The following LIG1 variants were observed in gnomAD, a reference collection of about 807,000 sequenced individuals.
The protein encoded by LIG1 is DNA ligase 1, also known as ligase I, DNA, ATP-dependent.
In LIG1, 70 loss-of-function variants were observed where a neutral mutation model predicts 115.7. The observed-to-expected ratio is 0.60, with a 90% confidence interval of 0.50 to 0.74. LIG1 has a LOEUF of 0.74. LIG1 is among the 30% of genes least tolerant of loss of function. The pLI, the probability that LIG1 is intolerant of heterozygous loss-of-function variation, is 0.00. For synonymous variants in LIG1, 487 were observed against 495.3 expected (o/e 0.98, Z 0.22); for missense variants, 1,115 against 1,225.6 (o/e 0.91, Z 1.35).
At chr19:48,118,422 C>T (rs2033020014) in intron 25 of LIG1, 1 of 159,852 alleles carries the variant, frequency 6.3e-6, no homozygotes, top group Admixed American at 6.0e-5. Context: ...GCTCTCTTGC[C>T]TGGCGCCATG....
At chr19:48,116,774 G>C (rs1279253018) in intron 26 of LIG1, among the ~76,000 whole-genome samples, 1 of 152,226 alleles carries the variant, frequency 6.6e-6, no homozygotes, top group Non-Finnish European at 1.5e-5. Context: ...ACCGGCTCCT[G>C]TGCCTTGTTA....
intron 2 of LIG1, among the ~76,000 whole-genome samples, chr19:48,164,741 T>A (rs1599887798): frequency 6.6e-6 from 1 of 152,090 alleles, no homozygotes; most frequent in Admixed American, 6.5e-5. Flanking sequence ...CTCCAGCAGG[T>A]TTCAATGATA....
chr19:48,167,419 G>A lies in LIG1; in HGVS notation c.-57-1796C>T, dbSNP rs146705342. Reference sequence around the variant, plus strand: ...TCTTCAACCCATGGGGTCCCCTTTCGTTTTCTGGAATCAGTACTCTCTGTC... The same window carrying A: ...TCTTCAACCCATGGGGTCCCCTTTCATTTTCTGGAATCAGTACTCTCTGTC... On this transcript the variant is annotated intron_variant, in intron 1 of 27. Transcript: ENST00000263274. 3.3e-3 allele frequency among the ~76,000 whole-genome samples: 504 copies of A among 151,918 alleles called. 4 individuals are homozygous for A. The highest frequency in any genetic ancestry group is 0.012 in the African/African-American group (486 of 41,422).
At chr19:48,125,700 T>G (rs1007508041) in intron 21 of LIG1, among the ~76,000 whole-genome samples, 1 of 152,210 alleles carries the variant, frequency 6.6e-6, no homozygotes, top group African/African-American at 2.4e-5. Context: ...GATGATCATC[T>G]GGGATGGGCC....
At position 48,137,551 on chromosome 19, in the gene LIG1, G is replaced by A. The variant is rs201504571; in HGVS notation, c.1225C>T (p.Arg409Cys). Residue 409 changes from arginine (R) to cysteine (C), a missense_variant, in exon 13 of 28, where the codon CGC (arginine) becomes TGC (cysteine). By Grantham distance (180) the Arg-to-Cys change is radical (BLOSUM62 -3). Coordinates refer to ENST00000263274, the MANE Select transcript of LIG1 (RefSeq NM_000234.3). The surrounding 1 kb of genome is among the most constrained non-coding windows in gnomAD (Gnocchi z 4.3). ...LTASGVFSKF[R>C]DIARLTGSAS... ...CTGCCAGTGAGCCTGGCGATGTCGC[G>A]GAACTTGCTGAAGACCCCGGAGGCA... 86 of 1,613,224 alleles carry A rather than the reference G, an allele frequency of 5.3e-5. No homozygotes were observed. Among genetic ancestry groups the A allele is most frequent in the Admixed American group, 1.8e-4 (11 of 60,010 alleles).
rs769960596 is a variant in LIG1 at position 48,153,951 on chromosome 19, C to A, written c.387G>T (p.Pro129=). 2.5e-6 allele frequency: 4 copies of A among 1,613,794 alleles called. No homozygotes were observed. Among genetic ancestry groups the A allele is most frequent in the Non-Finnish European group, 2.5e-6 (3 of 1,179,888 alleles). The change falls in exon 6 of 28, where the codon CCG becomes CCT. Residue 129 remains proline, a synonymous_variant. Coordinates refer to ENST00000263274, the MANE Select transcript of LIG1 (RefSeq NM_000234.3). ...CCAGGACTTCCTGAATGGTCCGTTT[C>A]GGGAGCTGCTTCCGAGCTGGGGAGG... ...PKRRTARKQL[P]KRTIQEVLEE... is the part of the protein sequence containing the mutation.
rs929018638 is a variant in LIG1 at position 48,165,541 on chromosome 19, G to A, written c.17+9C>T. The stretch of plus-strand genomic sequence containing the variant: ...AAGGAAAGACTCAGGGGCAAGGGAG[G>A]GTGCTCACATGATACTTCGCTGCAT... On this transcript the variant is annotated intron_variant, in intron 2 of 27. Transcript: ENST00000263274. 2.5e-6 allele frequency: 4 copies of A among 1,604,594 alleles called. No homozygotes were observed. The African/African-American group carries it at 5.4e-5, about 21-fold the overall frequency.
intron 1 of LIG1, among the ~76,000 whole-genome samples, chr19:48,166,107 A>G (rs1305406581): frequency 6.6e-6 from 1 of 152,186 alleles, no homozygotes; most frequent in African/African-American, 2.4e-5. Context: ...TAAAAGAGAA[A>G]GGCTATAGGT....
At chr19:48,123,672 C>T (rs1278316637) in intron 21 of LIG1, 8 of 344,006 alleles carry the variant, frequency 2.3e-5, no homozygotes, top group East Asian at 1.5e-4. Flanking sequence ...GGCTGGAGTG[C>T]GGTGGTGCGA....
chr19:48,122,098 A>C lies in LIG1; in HGVS notation c.2233-776T>G, dbSNP rs1480267475. 6.5e-6 allele frequency: 1 copy of C among 153,212 alleles called. No homozygotes were observed. Among genetic ancestry groups the C allele is most frequent in the African/African-American group, 2.4e-5 (1 of 41,470 alleles). The allele number at this position is 153,212 out of a possible 1,614,324, so 9.5% of individuals were successfully genotyped here. A position where few individuals can be genotyped will look rare whatever the true frequency, so the allele number is the denominator to read the frequency against. On this transcript the variant is annotated intron_variant, in intron 23 of 27. Transcript: ENST00000263274. This position sits in a 1 kb window ranked among gnomAD's most constrained non-coding sequence, Gnocchi z 4.3. The stretch of plus-strand genomic sequence containing the variant: ...CAGACATAAGTACACAGGAAGAGCT[A>C]GTCAGCAGGCCTGGCCGGCTCAGTG...
At chr19:48,125,433 CA>C (rs2033599079) in intron 21 of LIG1, among the ~76,000 whole-genome samples, 6 of 152,138 alleles carry the variant, frequency 3.9e-5, no homozygotes, top group Admixed American at 3.9e-4. Flanking sequence ...GTTTGAGCAT[CA>C]AAGGCATCTC....
intron 1 of LIG1, among the ~76,000 whole-genome samples, chr19:48,166,394 C>CA (rs745439321): frequency 6.6e-6 from 1 of 151,928 alleles, no homozygotes; most frequent in African/African-American, 2.4e-5. Context: ...AACTCCATCT[C>CA]AAAAAACAAA....
chr19:48,155,289 T>TC (rs2035765034), intron 5 of LIG1, among the ~76,000 whole-genome samples: 1 of 152,056 alleles, frequency 6.6e-6, no homozygotes. Context: ...CCCACTCTCC[T>TC]CTCTAGCTCA....
intron 12 of LIG1, among the ~76,000 whole-genome samples, chr19:48,138,435 A>G (rs983055025): frequency 3.3e-5 from 5 of 152,260 alleles, no homozygotes; most frequent in Non-Finnish European, 7.3e-5. Flanking sequence ...GTTTCAGTCC[A>G]CAGATGCTCA....
At position 48,123,274 on chromosome 19, in the gene LIG1, C is replaced by T; in HGVS notation, c.2049G>A (p.Arg683=). Residue 683 remains arginine (R), a synonymous_variant, in exon 22 of 28, where the codon CGG becomes CGA. Transcript: ENST00000263274. ...EPLSRRRQLL[R]ENFVETEGEF... ...CGCCCTCTGTCTCCACAAAGTTCTC[C>T]CGGAGCAGCTGCCGGCGCCGGGAAA... is the stretch of plus-strand genomic sequence containing the variant. 1 of 1,614,116 alleles carries T rather than the reference C, an allele frequency of 6.2e-7. No homozygotes were observed. The highest frequency in any genetic ancestry group is 8.5e-7 in the Non-Finnish European group (1 of 1,180,028).
intron 24 of LIG1, among the ~76,000 whole-genome samples, chr19:48,119,870 C>A (rs971048448): frequency 4.6e-5 from 7 of 152,164 alleles, no homozygotes; most frequent in Admixed American, 2.0e-4. Flanking sequence ...CTGCCAAGAG[C>A]TTCTTTCACC....
At chr19:48,146,865 C>CA in intron 9 of LIG1, among the ~76,000 whole-genome samples, 1 of 152,362 alleles carries the variant, frequency 6.6e-6, no homozygotes, top group East Asian at 1.9e-4. Flanking sequence ...CTTAGGGTCC[C>CA]AGGCCTGGCC....
chr19:48,131,102 G>A lies in LIG1; in HGVS notation c.1795C>T (p.Pro599Ser). ...TTGGGGATGCGGCTGATGATGTCCG[G>A]GTACTTCCCAGTGTTGTCTTCCTGA... ...RNQEDNTGKY[P>S]DIISRIPKIK... Residue 599 changes from proline to serine, a missense_variant, in exon 19 of 28, where the codon CCG becomes TCG. Physicochemically the swap from Pro to Ser is moderately conservative, Grantham distance 74. Coordinates refer to ENST00000263274, the MANE Select transcript of LIG1 (RefSeq NM_000234.3). 1 of 1,614,134 alleles carries A rather than the reference G, an allele frequency of 6.2e-7. No individual in the cohort carries two copies. Among genetic ancestry groups the A allele is most frequent in the Non-Finnish European group, 8.5e-7 (1 of 1,179,978 alleles).
chr19:48,121,968 C>T (rs928300680), intron 23 of LIG1, among the ~76,000 whole-genome samples: 1 of 152,242 alleles, frequency 6.6e-6, no homozygotes, highest in Non-Finnish European at 1.5e-5. Context: ...CAGAAACGTT[C>T]ACTAAGTGCT....
Sources: gnomAD v4.1 joint callset for allele counts (sites outside exome capture counted in the v4.1 genomes callset) on GRCh38, gnomAD v4.1.1 for gene constraint, Gnocchi (gnomAD v3.1) non-coding constraint, MANE v1.5 for transcripts, NCBI Gene and HGNC (gene_info 2026-07-23, HGNC 2026-07-21) for gene names.